SACM1L: variants seen among roughly 807,000 people sequenced by gnomAD.
SACM1L encodes the protein phosphatidylinositol-3-phosphatase SAC1.
In SACM1L, 32 loss-of-function variants were observed where a neutral mutation model predicts 89.5. That is an observed-to-expected ratio of 0.36 (90% CI 0.27 to 0.48). SACM1L has a LOEUF of 0.48. Among genes scored for constraint, SACM1L ranks in the 20% least tolerant of loss-of-function variants. The probability of loss-of-function intolerance (pLI) is 0.99; values close to 1 mark genes in which losing one functional copy is unlikely to be tolerated. For missense variants in SACM1L, 543 were observed against 708.5 expected, an observed-to-expected ratio of 0.77 and a Z score of 2.65; for synonymous variants, 213 against 232.8, an observed-to-expected ratio of 0.92 and a Z score of 0.77.
At position 45,709,486 on chromosome 3, in the gene SACM1L, C is replaced by T. The variant is rs1326055500; in HGVS notation, c.334-12C>T. 1.3e-6 allele frequency: 2 copies of T among 1,591,102 alleles called. No homozygotes were observed. The highest frequency in any genetic ancestry group is 1.8e-5 in the Admixed American group (1 of 55,454). On this transcript the variant is annotated splice_polypyrimidine_tract_variant and intron_variant, in intron 4 of 19. Transcript: ENST00000389061. Reference sequence around the variant, plus strand: ...TCAATTATGAGCTATACTGATTTTTCTTTGTTTATAGTTACAAGATAATAA... The same window carrying T: ...TCAATTATGAGCTATACTGATTTTTTTTTGTTTATAGTTACAAGATAATAA...
chr3:45,730,525 C>T lies in SACM1L; in HGVS notation c.922-776C>T, dbSNP rs891291791. On this transcript the variant is annotated intron_variant, in intron 11 of 19. Coordinates refer to ENST00000389061, the MANE Select transcript of SACM1L (RefSeq NM_014016.5). ...AAGAAAGCAAAAATGAGAGAACAACCCTGTCCCCCATTCTTTGCAGACTTG... is the reference window on the plus strand; with the variant it reads ...AAGAAAGCAAAAATGAGAGAACAACTCTGTCCCCCATTCTTTGCAGACTTG... 5 of 152,278 alleles carry T rather than the reference C, an allele frequency of 3.3e-5. No individual in the cohort carries two copies. The East Asian group carries it at 7.7e-4, about 23-fold the overall frequency. 9.4% of individuals were successfully genotyped at this position (152,278 alleles called of 1,614,324 possible). A position where few individuals can be genotyped will look rare whatever the true frequency, so the allele number is the denominator to read the frequency against.
Position 45,722,008 on chromosome 3 carries a change from T to A in SACM1L, c.688T>A (p.Ser230Thr). Residue 230 changes from serine to threonine, a missense_variant, in exon 9 of 20, where the codon TCG becomes ACG. This residue lies in a region of SACM1L where 370 missense variants were observed against 527.6 expected (regional missense o/e 0.70). Transcript: ENST00000389061. ...GVRYYVRGID[S>T]EGHAANFVET... The stretch of plus-strand genomic sequence containing the variant: ...ATTTTTTTTCTATTTAGGAATTGAT[T>A]CGGAAGGCCATGCAGCTAACTTTGT... The A allele has an allele frequency of 6.2e-7, 1 of 1,609,962 alleles. No individual in the cohort carries two copies. The highest frequency in any genetic ancestry group is 8.5e-7 in the Non-Finnish European group (1 of 1,176,990).
At position 45,739,573 on chromosome 3, in the gene SACM1L, A is replaced by G. The variant is rs533338805; in HGVS notation, c.1570-14A>G. On this transcript the variant is annotated splice_polypyrimidine_tract_variant and intron_variant, in intron 18 of 19. Coordinates refer to ENST00000389061, the MANE Select transcript of SACM1L (RefSeq NM_014016.5). ...CATTCTTAAATGATGATCTCTTTCT[A>G]TTGTCTTTTCCAGTTGCCTATTATC... The G allele has an allele frequency of 5.6e-6, 9 of 1,612,994 alleles. No homozygotes were observed. The highest frequency in any genetic ancestry group is 2.2e-5 in the East Asian group (1 of 44,844).
chr3:45,744,460 T>C lies in SACM1L; in HGVS notation c.*791T>C, dbSNP rs559774422. The C allele has an allele frequency of 5.2e-5, 8 of 152,794 alleles. No individual in the cohort carries two copies. The highest frequency in any genetic ancestry group is 1.9e-4 in the African/African-American group (8 of 41,588). 9.5% of individuals were successfully genotyped at this position (152,794 alleles called of 1,614,324 possible). A position where few individuals can be genotyped will look rare whatever the true frequency, so the allele number is the denominator to read the frequency against. On this transcript the variant is annotated 3_prime_UTR_variant, in exon 20 of 20. Transcript: ENST00000389061. ...CAATGTGGAAGATGCCCATGACTGG[T>C]CAGCTACTTCCTCCTATACATTTTG...
chr3:45,723,961 C>G (rs868316484), intron 11 of SACM1L, among the ~76,000 whole-genome samples: 12 of 100,448 alleles, frequency 1.2e-4, no homozygotes, highest in African/African-American at 1.9e-4. Flanking sequence ...CACACACACA[C>G]ACAGACACAC....
intron 19 of SACM1L, among the ~76,000 whole-genome samples, chr3:45,740,802 T>C (rs1455093542): frequency 1.3e-5 from 2 of 152,194 alleles, no homozygotes; most frequent in African/African-American, 4.8e-5. Context: ...ATGTTCTTAA[T>C]TGCTAATGGC....
At chr3:45,691,780 T>G (rs1697998031) in intron 1 of SACM1L, among the ~76,000 whole-genome samples, 1 of 152,098 alleles carries the variant, frequency 6.6e-6, no homozygotes, top group Non-Finnish European at 1.5e-5. Context: ...ACACCTGTCC[T>G]ACTTCGGATT....
At chr3:45,695,857 C>T (rs567270972) in intron 1 of SACM1L, among the ~76,000 whole-genome samples, 4 of 152,236 alleles carry the variant, frequency 2.6e-5, no homozygotes, top group South Asian at 4.2e-4. Context: ...TGGCAACCAC[C>T]GTTCTACTTT....
At chr3:45,735,905 TG>T (rs774035252) in intron 14 of SACM1L, among the ~76,000 whole-genome samples, 1 of 152,204 alleles carries the variant, frequency 6.6e-6, no homozygotes, top group Non-Finnish European at 1.5e-5. Flanking sequence ...CTGGCTCTGT[TG>T]CCCAGGCTGG....
intron 13 of SACM1L, among the ~76,000 whole-genome samples, chr3:45,734,354 A>C (rs1289816635): frequency 6.6e-6 from 1 of 151,650 alleles, no homozygotes; most frequent in East Asian, 1.9e-4. Context: ...CAGAGGTTGG[A>C]GTGAGCTGAG....
At position 45,736,740 on chromosome 3, in the gene SACM1L, A is replaced by G. The variant is rs1345886055; in HGVS notation, c.1240-843A>G. ...TCCATATTTTACAATTTTACATGCT[A>G]TATATAGTATTATGAAACCTAACCA... On this transcript the variant is annotated intron_variant, in intron 14 of 19. Transcript: ENST00000389061. Among the ~76,000 whole-genome samples the G allele has an allele frequency of 4.6e-5, 7 of 152,312 alleles. No homozygotes were observed. In the East Asian group the frequency reaches 1.4e-3, roughly 29 times the overall value.
intron 5 of SACM1L, among the ~76,000 whole-genome samples, chr3:45,711,119 T>C (rs2742445): frequency 0.48 from 73,309 of 151,802 alleles, 18,241 homozygotes; most frequent in Middle Eastern, 0.57. Flanking sequence ...TGAGGGTCTT[T>C]GCCTGAGGTT....
chr3:45,743,527 C>T lies in SACM1L; in HGVS notation c.1628-6C>T, dbSNP rs1391900746. On this transcript the variant is annotated splice_polypyrimidine_tract_variant and splice_region_variant and intron_variant, in intron 19 of 19. Coordinates refer to ENST00000389061, the MANE Select transcript of SACM1L (RefSeq NM_014016.5). ...TATTTAGCTTTTTGTTTCTTAATATCAACAGGTGACACTTGGACAGAAACA... is the reference window on the plus strand; with the variant it reads ...TATTTAGCTTTTTGTTTCTTAATATTAACAGGTGACACTTGGACAGAAACA... 6.2e-7 allele frequency: 1 copy of T among 1,600,944 alleles called. No homozygotes were observed. The highest frequency in any genetic ancestry group is 8.5e-7 in the Non-Finnish European group (1 of 1,175,978).
At chr3:45,735,402 A>G in intron 14 of SACM1L, 29 bp downstream of exon 14, 1 of 1,496,412 alleles carries the variant, frequency 6.7e-7, no homozygotes, top group East Asian at 2.4e-5. Context: ...TTTTTAATTG[A>G]AAAACAACAC....
At chr3:45,703,872 T>A (rs1260615346) in intron 2 of SACM1L, among the ~76,000 whole-genome samples, 1 of 152,168 alleles carries the variant, frequency 6.6e-6, no homozygotes, top group African/African-American at 2.4e-5. Context: ...ATTTAAGATA[T>A]TTGAGAGTGA....
At chr3:45,731,280 G>A (rs2673055) in intron 11 of SACM1L, 21 bp from the exon 12 acceptor site, 982,281 of 1,550,946 alleles carry the variant, frequency 0.63, 316,032 homozygotes, top group Non-Finnish European at 0.66. Flanking sequence ...TGGAAACTAT[G>A]GTGTTTGAAA....
intron 8 of SACM1L, 22 bp downstream of exon 8, chr3:45,719,623 G>C (rs2064062): frequency 0.63 from 891,819 of 1,404,720 alleles, 286,584 homozygotes; most frequent in Non-Finnish European, 0.66. Context: ...GTCAGCATGG[G>C]TCATATCTGT....
intron 5 of SACM1L, among the ~76,000 whole-genome samples, chr3:45,710,164 A>G (rs1488993255): frequency 6.6e-6 from 1 of 151,700 alleles, no homozygotes; most frequent in Non-Finnish European, 1.5e-5. Flanking sequence ...AGTCACTAGA[A>G]CTTGGAAAAT....
At chr3:45,731,121 T>C (rs1699044251) in intron 11 of SACM1L, among the ~76,000 whole-genome samples, 180 bp from the exon 12 acceptor site, 1 of 152,368 alleles carries the variant, frequency 6.6e-6, no homozygotes, top group Admixed American at 6.5e-5. Flanking sequence ...GGTGGGTTAC[T>C]ATAAAACCTT....
Sources: gnomAD v4.1 joint callset for allele counts (sites outside exome capture counted in the v4.1 genomes callset) on GRCh38, gnomAD v4.1.1 for gene constraint, gnomAD v4.1.1 regional missense constraint, MANE v1.5 for transcripts, NCBI Gene and HGNC (gene_info 2026-07-23, HGNC 2026-07-21) for gene names.